Variants in LPP observed in about 807,000 individuals in gnomAD.
LPP encodes the protein LIM domain containing preferred translocation partner in lipoma.
Under a neutral mutation model 60.4 loss-of-function variants are expected in LPP, and 38 were observed. The ratio of observed to expected loss-of-function variants is 0.63; its 90% confidence interval spans 0.49 to 0.83. The LOEUF (loss-of-function observed/expected upper bound fraction) is 0.83, where lower values mean the gene tolerates loss of function less well. LPP is among the 40% of genes least tolerant of loss of function. The pLI is 0.00. For synonymous variants in LPP, 328 were observed against 290.8 expected (o/e 1.13, Z -1.30); for missense variants, 902 against 783.6 (o/e 1.15, Z -1.80).
chr3:188,729,719 A>G (rs903989960), intron 8 of LPP, among the ~76,000 whole-genome samples: 1 of 152,070 alleles, frequency 6.6e-6, no homozygotes, highest in African/African-American at 2.4e-5. Context: ...GCTCACGCTT[A>G]TAATCCCAGC....
intron 1 of LPP, among the ~76,000 whole-genome samples, chr3:188,173,525 C>A (rs935843587): frequency 6.7e-6 from 1 of 148,762 alleles, no homozygotes; most frequent in African/African-American, 2.5e-5. Context: ...ACAAAAAAAA[C>A]AAACAAAAAA....
At chr3:188,784,390 C>T (rs1740889862) in intron 9 of LPP, among the ~76,000 whole-genome samples, 1 of 12,760 alleles carries the variant, frequency 7.8e-5, no homozygotes, top group Non-Finnish European at 1.3e-4. Flanking sequence ...TATATATATT[C>T]CATCATATAT....
chr3:188,477,486 C>T (rs1560454806), intron 4 of LPP, among the ~76,000 whole-genome samples: 1 of 152,122 alleles, frequency 6.6e-6, no homozygotes, highest in Non-Finnish European at 1.5e-5. Flanking sequence ...TAGTTCCAAC[C>T]AGTGCACTGT....
intron 7 of LPP, among the ~76,000 whole-genome samples, chr3:188,635,830 A>T (rs1246500389): frequency 6.6e-6 from 1 of 152,198 alleles, no homozygotes; most frequent in Non-Finnish European, 1.5e-5. Context: ...CCTGATTTGA[A>T]TTTAGTGTTG....
At chr3:188,379,764 T>G (rs1776362397) in intron 3 of LPP, among the ~76,000 whole-genome samples, 1 of 152,244 alleles carries the variant, frequency 6.6e-6, no homozygotes. Context: ...TGCAGCATGA[T>G]AAGTAGGCTT....
chr3:188,750,139 G>A (rs1340359891), intron 8 of LPP, among the ~76,000 whole-genome samples: 6 of 152,260 alleles, frequency 3.9e-5, no homozygotes, highest in East Asian at 3.9e-4. Flanking sequence ...GCAGAATGCC[G>A]CATGAAGCCT....
chr3:188,759,378 G>GTATAT (rs1731392670), intron 8 of LPP: 2 of 152,350 alleles, frequency 1.3e-5, no homozygotes, highest in African/African-American at 4.8e-5. Context: ...AACTATTGCA[G>GTATAT]GATGTGTGGA....
rs1433198016 is a variant in LPP, at chr3:188,888,090, A to G, written c.*13611A>G. ...TTAGACCTGAAACCTTTACAGTTGGATGTAGCGTTGAGCTTTTGCATGTTT... is the reference window on the plus strand; with the variant it reads ...TTAGACCTGAAACCTTTACAGTTGGGTGTAGCGTTGAGCTTTTGCATGTTT... On this transcript the variant is annotated 3_prime_UTR_variant, in exon 12 of 12. Coordinates refer to ENST00000617246, the MANE Select transcript of LPP (RefSeq NM_001375462.1). 3.2e-5 allele frequency: 7 copies of G among 220,020 alleles called. No individual in the cohort carries two copies. In the East Asian group the frequency reaches 4.7e-4, roughly 15 times the overall value. The allele number at this position is 220,020 out of a possible 1,614,324, so 13.6% of individuals were successfully genotyped here.
At chr3:188,790,557 G>T (rs6803867) in intron 9 of LPP, among the ~76,000 whole-genome samples, 31,265 of 152,012 alleles carry the variant, frequency 0.21, 3,506 homozygotes, top group Non-Finnish European at 0.25. Flanking sequence ...CAGACTGAGC[G>T]CAGTGGCTCA....
chr3:188,548,294 G>T (rs531979813), intron 6 of LPP, among the ~76,000 whole-genome samples: 1 of 152,138 alleles, frequency 6.6e-6, no homozygotes, highest in Non-Finnish European at 1.5e-5. Context: ...TAGGGAACTG[G>T]ACTTCTTGTC....
chr3:188,208,815 C>T (rs575440475), intron 1 of LPP, among the ~76,000 whole-genome samples: 1 of 152,218 alleles, frequency 6.6e-6, no homozygotes, highest in Non-Finnish European at 1.5e-5. Context: ...GACATAACCC[C>T]GTAGAACATC....
intron 6 of LPP, chr3:188,562,396 G>A (rs1164131927): frequency 6.6e-6 from 1 of 152,008 alleles, no homozygotes; most frequent in Non-Finnish European, 1.5e-5. Flanking sequence ...CTCAGTAATA[G>A]ATCCTTATTT....
intron 3 of LPP, among the ~76,000 whole-genome samples, chr3:188,362,014 A>G (rs932222652): frequency 6.6e-6 from 1 of 152,154 alleles, no homozygotes; most frequent in Non-Finnish European, 1.5e-5. Flanking sequence ...AAACACATAA[A>G]TAACTAGCTC....
At chr3:188,417,738 C>T (rs752970901) in intron 4 of LPP, among the ~76,000 whole-genome samples, 10 of 152,178 alleles carry the variant, frequency 6.6e-5, no homozygotes, top group Non-Finnish European at 1.3e-4. Context: ...TATCTCTCTG[C>T]ACTTGTCTGT....
intron 7 of LPP, among the ~76,000 whole-genome samples, chr3:188,694,674 G>A (rs907339315): frequency 6.7e-6 from 1 of 148,324 alleles, no homozygotes; most frequent in Non-Finnish European, 1.5e-5. Context: ...TGCACACTGA[G>A]CAACAAGAGT....
At chr3:188,661,595 G>A (rs1212024000) in intron 7 of LPP, among the ~76,000 whole-genome samples, 2 of 152,110 alleles carry the variant, frequency 1.3e-5, no homozygotes, top group African/African-American at 2.4e-5. Context: ...TGTTTGGTGA[G>A]GTGTCTGTTC....
At position 188,872,753 on chromosome 3, in the gene LPP, A is replaced by G. The variant is rs747373710; in HGVS notation, c.1700A>G (p.Tyr567Cys). Residue 567 changes from tyrosine (Y) to cysteine (C), a missense_variant, in exon 11 of 12, where the codon TAC (tyrosine) becomes TGC (cysteine). Physicochemically the swap from Tyr to Cys is radical, Grantham distance 194 (BLOSUM62 -2). Coordinates refer to ENST00000617246, the MANE Select transcript of LPP (RefSeq NM_001375462.1). ...ALDRDFHVHC[Y>C]RCEDCGGLLS... is the part of the protein sequence containing the mutation. ...GATCGAGATTTCCATGTTCACTGCT[A>G]CCGATGCGAGGTCTGGTTGACAGCC... 1 of 1,614,064 alleles carries G rather than the reference A, an allele frequency of 6.2e-7. No homozygotes were observed. Among genetic ancestry groups the G allele is most frequent in the Non-Finnish European group, 8.5e-7 (1 of 1,180,000 alleles).
chr3:188,697,545 A>G (rs1171152139), intron 7 of LPP, among the ~76,000 whole-genome samples: 1 of 152,184 alleles, frequency 6.6e-6, no homozygotes. Context: ...TTTATCAGCA[A>G]CTTGTCCACA....
At chr3:188,528,599 A>G (rs1362947847) in intron 6 of LPP, among the ~76,000 whole-genome samples, 2 of 152,208 alleles carry the variant, frequency 1.3e-5, no homozygotes, top group Non-Finnish European at 2.9e-5. Flanking sequence ...CTGATTGTGA[A>G]GCACTTTCAC....
Sources: allele counts gnomAD v4.1 joint callset (sites outside exome capture counted in the v4.1 genomes callset), GRCh38; gene constraint gnomAD v4.1.1; transcripts MANE v1.5; gene names NCBI Gene and HGNC (gene_info 2026-07-23, HGNC 2026-07-21).